Variants in PLXNA4 observed in about 807,000 individuals in gnomAD.
PLXNA4 encodes plexin-A4.
A neutral mutation model predicts 191.8 loss-of-function variants in PLXNA4; 44 were observed. That is an observed-to-expected ratio of 0.23 (90% CI 0.18 to 0.29). PLXNA4 has a LOEUF of 0.29. Ranked by LOEUF, PLXNA4 falls within the 10% of genes least tolerant of loss-of-function variation. The pLI, the probability that PLXNA4 is intolerant of heterozygous loss-of-function variation, is 1.00. For synonymous variants in PLXNA4, 1,082 were observed against 1,009.5 expected (o/e 1.07, Z -1.36); for missense variants, 1,800 against 2,488.8 (o/e 0.72, Z 5.89).
chr7:132,593,192 A>C (rs1372814512), intron 2 of PLXNA4, among the ~76,000 whole-genome samples: 1 of 152,200 alleles, frequency 6.6e-6, no homozygotes, highest in African/African-American at 2.4e-5. Context: ...TTACCCACAC[A>C]ATTGACGCGC....
intron 4 of PLXNA4, among the ~76,000 whole-genome samples, chr7:132,259,197 T>C (rs535260645): frequency 6.6e-6 from 1 of 152,064 alleles, no homozygotes; most frequent in South Asian, 2.1e-4. Flanking sequence ...GGATGGACCC[T>C]CCATCTACAG....
intron 3 of PLXNA4, among the ~76,000 whole-genome samples, chr7:132,329,761 T>C (rs971386755): frequency 8.5e-5 from 13 of 152,324 alleles, no homozygotes; most frequent in African/African-American, 2.9e-4. Context: ...GTGATACTGA[T>C]GATTCGTGGG....
At chr7:132,184,941 G>A (rs1796827585) in intron 16 of PLXNA4, among the ~76,000 whole-genome samples, 1 of 152,166 alleles carries the variant, frequency 6.6e-6, no homozygotes. Flanking sequence ...CCCTCAGCCT[G>A]AAGGTGGGAC....
At chr7:132,187,690 C>T in intron 14 of PLXNA4, 83 bp from the exon 15 acceptor site, 1 of 1,485,068 alleles carries the variant, frequency 6.7e-7, no homozygotes, top group Non-Finnish European at 8.9e-7. Flanking sequence ...GCACCCCACT[C>T]CCCCAAGCTG....
At chr7:132,271,445 A>AG (rs1584928892) in intron 4 of PLXNA4, among the ~76,000 whole-genome samples, 1 of 151,684 alleles carries the variant, frequency 6.6e-6, no homozygotes, top group Admixed American at 6.6e-5. Context: ...AAAAAAAAAA[A>AG]AAGAAACATA....
chr7:132,595,945 T>G (rs1802703217), intron 2 of PLXNA4, among the ~76,000 whole-genome samples: 1 of 152,176 alleles, frequency 6.6e-6, no homozygotes, highest in Admixed American at 6.5e-5. Context: ...TTGTGCATAA[T>G]AAAATTAATA....
In PLXNA4 at chr7:132,442,944, G is replaced by A. The variant is rs942307288; in HGVS notation, c.1371+46348C>T. ...CGTTTGATGGGATGGCACCAGTAGG[G>A]TCCTATTGGTTGCTGACAAATAGAG... is the stretch of plus-strand genomic sequence containing the variant. On this transcript the variant is annotated intron_variant, in intron 3 of 31. Transcript: ENST00000321063. Among the ~76,000 whole-genome samples, 3 of 152,174 alleles carry A rather than the reference G, an allele frequency of 2.0e-5. No homozygotes were observed. The East Asian group carries it at 5.8e-4, about 29-fold the overall frequency.
intron 1 of PLXNA4, among the ~76,000 whole-genome samples, chr7:132,521,925 G>A (rs570109939): frequency 6.6e-5 from 10 of 152,300 alleles, no homozygotes; most frequent in African/African-American, 2.2e-4. Context: ...AATACAGAAA[G>A]GAGCATGTTG....
At chr7:132,323,321 C>G (rs1405141024) in intron 3 of PLXNA4, among the ~76,000 whole-genome samples, 1 of 152,234 alleles carries the variant, frequency 6.6e-6, no homozygotes, top group Non-Finnish European at 1.5e-5. Flanking sequence ...CTAGCAGTAA[C>G]AGCCATGAGG....
At chr7:132,332,124 A>G (rs1802611995) in intron 3 of PLXNA4, among the ~76,000 whole-genome samples, 1 of 152,228 alleles carries the variant, frequency 6.6e-6, no homozygotes, top group African/African-American at 2.4e-5. Context: ...GCCATCTGGA[A>G]TTCTGCCTCT....
At chr7:132,445,389 G>A (rs1163464023) in intron 3 of PLXNA4, among the ~76,000 whole-genome samples, 2 of 151,322 alleles carry the variant, frequency 1.3e-5, no homozygotes, top group East Asian at 3.9e-4. Context: ...ACAGCCGAGT[G>A]AGCGCCCCTG....
At chr7:132,584,273 A>T (rs1802466113) in intron 2 of PLXNA4, among the ~76,000 whole-genome samples, 2 of 152,222 alleles carry the variant, frequency 1.3e-5, no homozygotes, top group Admixed American at 6.5e-5. Context: ...TGTTCTTTCC[A>T]AGTCCTGTAG....
intron 3 of PLXNA4, among the ~76,000 whole-genome samples, chr7:132,341,893 G>GA (rs879750567): frequency 3.3e-5 from 5 of 152,114 alleles, no homozygotes; most frequent in African/African-American, 4.8e-5. Context: ...TATCTAATGA[G>GA]AAAAATAAGA....
chr7:132,203,494 C>T, intron 10 of PLXNA4, 75 bp from the exon 11 acceptor site: 1 of 1,322,100 alleles, frequency 7.6e-7, no homozygotes, highest in South Asian at 1.2e-5. Context: ...AAATGATCAG[C>T]CTACGGCCGT....
chr7:132,637,982 G>A (rs889419862), intron 2 of PLXNA4, among the ~76,000 whole-genome samples: 13 of 152,216 alleles, frequency 8.5e-5, no homozygotes, highest in Non-Finnish European at 1.8e-4. Flanking sequence ...GCCTCTGTCA[G>A]TCCTAGAGTT....
intron 24 of PLXNA4, among the ~76,000 whole-genome samples, chr7:132,161,155 G>T (rs1795937393): frequency 6.6e-6 from 1 of 152,194 alleles, no homozygotes; most frequent in Non-Finnish European, 1.5e-5. Flanking sequence ...GGGCCCTGGT[G>T]GGGCAGCTCA....
chr7:132,462,906 A>G (rs1398066009), intron 3 of PLXNA4, among the ~76,000 whole-genome samples: 13 of 141,080 alleles, frequency 9.2e-5, no homozygotes, highest in Admixed American at 7.6e-4. Context: ...CTGGAGTACA[A>G]TGGTGCAATC....
chr7:132,566,478 T>C (rs532747733), intron 1 of PLXNA4, among the ~76,000 whole-genome samples: 1 of 152,324 alleles, frequency 6.6e-6, no homozygotes, highest in East Asian at 1.9e-4. Context: ...AAGTTTTCTC[T>C]TCCCAAGAGA....
intron 3 of PLXNA4, among the ~76,000 whole-genome samples, chr7:132,414,551 G>A (rs28618217): frequency 0.062 from 9,378 of 152,188 alleles, 506 homozygotes; most frequent in Admixed American, 0.16. Flanking sequence ...ACAGAGGTTT[G>A]ATGCTTGGAC....
Sources: allele counts gnomAD v4.1 joint callset (sites outside exome capture counted in the v4.1 genomes callset), GRCh38; gene constraint gnomAD v4.1.1; transcripts MANE v1.5; gene names NCBI Gene and HGNC (gene_info 2026-07-23, HGNC 2026-07-21).